TBC1D8B: variants seen among roughly 807,000 people sequenced by gnomAD.
The protein encoded by TBC1D8B is RP11-321G1.1.
In TBC1D8B, 75 loss-of-function variants were observed where a neutral mutation model predicts 82.9. The ratio of observed to expected loss-of-function variants is 0.90; its 90% CI spans 0.75 to 1.10. TBC1D8B has a LOEUF of 1.10. Ranked by LOEUF, TBC1D8B falls within the 50% of genes least tolerant of loss-of-function variation. The pLI, the probability that TBC1D8B is intolerant of heterozygous loss-of-function variation, is 0.00. For synonymous variants in TBC1D8B, 276 were observed against 276.8 expected (o/e 1.00, Z 0.03); for missense variants, 794 against 796.9 (o/e 1.00, Z 0.04).
intron 2 of TBC1D8B, 31 bp from the exon 3 acceptor site, chrX:106,820,846 A>C (rs1246064592): frequency 4.1e-6 from 4 of 975,375 alleles, no homozygotes; most frequent in Non-Finnish European, 5.7e-6. Flanking sequence ...AGTTTTCCTT[A>C]AGTGTTTTAT....
At chrX:106,871,849 G>A (rs1026652752) in intron 20 of TBC1D8B, among the ~76,000 whole-genome samples, 13 of 111,929 alleles carry the variant, frequency 1.2e-4, no homozygotes, top group Admixed American at 6.6e-4. Flanking sequence ...ATATTTTAAA[G>A]AATACAAATA....
rs181365154 is a variant in TBC1D8B, at chrX:106,860,609, C to T, written c.2353-4950C>T. On this transcript the variant is annotated intron_variant, in intron 14 of 20. Coordinates refer to ENST00000357242, the MANE Select transcript of TBC1D8B (RefSeq NM_017752.3). Reference sequence around the variant, plus strand: ...CATTTCTGATTGTGTCTATTTGTATCGTCTCTTTTTTCTTTGTTAGTTTAG... The same window carrying T: ...CATTTCTGATTGTGTCTATTTGTATTGTCTCTTTTTTCTTTGTTAGTTTAG... 1.1e-3 allele frequency among the ~76,000 whole-genome samples: 117 copies of T among 109,975 alleles called. 1 individual carries two copies. The highest frequency in any genetic ancestry group is 3.8e-3 in the African/African-American group (116 of 30,334).
At chrX:106,869,648 C>A in intron 19 of TBC1D8B, 107 bp downstream of exon 19, 1 of 506,840 alleles carries the variant, frequency 2.0e-6, no homozygotes, top group Non-Finnish European at 3.1e-6. Flanking sequence ...CTATTGATGT[C>A]TCAGAAATTA....
intron 18 of TBC1D8B, 88 bp from the exon 19 acceptor site, chrX:106,869,397 T>G (rs1038224499): frequency 5.6e-4 from 410 of 736,695 alleles, no homozygotes; most frequent in Middle Eastern, 7.8e-4. Context: ...TAAAATAATG[T>G]GCTTATACGT....
At position 106,870,766 on chromosome X, in the gene TBC1D8B, C is replaced by T. The variant is rs34694710; in HGVS notation, c.2920C>T (p.Leu974Phe). 439 of 1,202,447 alleles carry T rather than the reference C, an allele frequency of 3.7e-4. No homozygotes were observed. The African/African-American group carries it at 6.1e-3, about 17-fold the overall frequency. ...ATATCTAAGTCAATGGCAAGATGAG[C>T]TTTTCAAAAAAGAAGAAAACATTAA... ...QAYLSQWQDE[L>F]FKKEENIKDL... The change falls in exon 20 of 21, where the codon CTT (leucine) becomes TTT (phenylalanine). Residue 974 changes from leucine (L) to phenylalanine (F), a missense_variant. Leu to Phe is a conservative substitution (Grantham distance 22). Coordinates refer to ENST00000357242, the MANE Select transcript of TBC1D8B (RefSeq NM_017752.3).
At chrX:106,828,187 C>A (rs1289714642) in intron 7 of TBC1D8B, 12 of 112,773 alleles carry the variant, frequency 1.1e-4, no homozygotes, top group Admixed American at 1.9e-4. Context: ...ACTAGAAAAT[C>A]TAGAAGAAAT....
intron 7 of TBC1D8B, chrX:106,828,816 C>A (rs1282941033): frequency 1.8e-5 from 2 of 108,959 alleles, no homozygotes; most frequent in Non-Finnish European, 3.8e-5. Flanking sequence ...CTATCTATGA[C>A]AAACCCACAG....
chrX:106,804,975 C>T (rs1432451593), intron 1 of TBC1D8B, among the ~76,000 whole-genome samples: 1 of 109,567 alleles, frequency 9.1e-6, no homozygotes, highest in Non-Finnish European at 1.9e-5. Flanking sequence ...GTTCCTCATA[C>T]TAAAACTGTG....
At chrX:106,829,908 C>T (rs1602416733) in intron 7 of TBC1D8B, 1 of 110,716 alleles carries the variant, frequency 9.0e-6, no homozygotes, top group Non-Finnish European at 1.9e-5. Flanking sequence ...TCTAAAACAC[C>T]AAAAGCAATG....
At chrX:106,866,071 C>T (rs1332697400) in intron 16 of TBC1D8B, 38 bp downstream of exon 16, 2 of 1,169,882 alleles carry the variant, frequency 1.7e-6, no homozygotes, top group Admixed American at 2.4e-5. Flanking sequence ...AAAGGTGCTC[C>T]TAGAAATACT....
At chrX:106,853,369 A>C (rs1196238284) in intron 12 of TBC1D8B, 152 bp from the exon 13 acceptor site, 5 of 482,314 alleles carry the variant, frequency 1.0e-5, no homozygotes, top group Non-Finnish European at 1.7e-5. Flanking sequence ...GTCATCTGCA[A>C]ACAGCAACAA....
intron 16 of TBC1D8B, among the ~76,000 whole-genome samples, chrX:106,866,296 A>G (rs1031358221): frequency 2.7e-5 from 3 of 111,893 alleles, no homozygotes; most frequent in Admixed American, 9.5e-5. Context: ...TCCCACACTC[A>G]GATGCATGGG....
chrX:106,840,206 GT>G lies in TBC1D8B; in HGVS notation c.1504+11del. ...TCTGGATGCTTTTTTCAGGTATTAC[GT>G]TTATTCATTGTATTTATTTAATAGA... On this transcript the variant is annotated intron_variant, in intron 9 of 20. Transcript: ENST00000357242. The G allele has an allele frequency of 8.4e-7, 1 of 1,197,588 alleles. No homozygotes were observed. The highest frequency in any genetic ancestry group is 1.1e-6 in the Non-Finnish European group (1 of 887,151).
intron 10 of TBC1D8B, among the ~76,000 whole-genome samples, chrX:106,845,096 C>G (rs1932405751): frequency 9.1e-6 from 1 of 109,805 alleles, no homozygotes; most frequent in Admixed American, 9.8e-5. Flanking sequence ...AATTTGAGTC[C>G]CCCTTCTCAC....
chrX:106,848,343 C>G (rs891778500), intron 11 of TBC1D8B, 40 bp downstream of exon 11: 14 of 895,765 alleles, frequency 1.6e-5, no homozygotes, highest in Non-Finnish European at 2.2e-5. Context: ...CATACACACA[C>G]AGAGATGTAT....
intron 1 of TBC1D8B, among the ~76,000 whole-genome samples, chrX:106,816,749 C>G (rs1489453659): frequency 9.0e-6 from 1 of 111,276 alleles, no homozygotes; most frequent in Non-Finnish European, 1.9e-5. Flanking sequence ...CTAATTGATG[C>G]TATGCTGCAT....
intron 10 of TBC1D8B, among the ~76,000 whole-genome samples, chrX:106,842,626 T>G (rs1157739765): frequency 1.9e-5 from 2 of 106,878 alleles, no homozygotes. Flanking sequence ...TATCTATCTA[T>G]CTATCTATCT....
chrX:106,866,096 A>G, intron 16 of TBC1D8B, 63 bp downstream of exon 16: 1 of 1,086,087 alleles, frequency 9.2e-7, no homozygotes, highest in South Asian at 2.2e-5. Flanking sequence ...ACTGCCTATT[A>G]TTGCCAATTT....
chrX:106,812,788 G>A (rs1488463626), intron 1 of TBC1D8B, among the ~76,000 whole-genome samples: 1 of 111,769 alleles, frequency 8.9e-6, no homozygotes, highest in African/African-American at 3.2e-5. Context: ...ATAGATCAAT[G>A]TGCTCAATAT....
Sources: allele counts gnomAD v4.1 joint callset (sites outside exome capture counted in the v4.1 genomes callset), GRCh38; gene constraint gnomAD v4.1.1; transcripts MANE v1.5; gene names NCBI Gene and HGNC (gene_info 2026-07-23, HGNC 2026-07-21).